XKR4: variants seen among roughly 807,000 people sequenced by gnomAD.
XKR4 encodes the protein XK-related protein 4.
A neutral mutation model predicts 53.9 loss-of-function variants in XKR4; 12 were observed. The ratio of observed to expected loss-of-function variants is 0.22; its 90% CI spans 0.14 to 0.36. The LOEUF (loss-of-function observed/expected upper bound fraction) is 0.36, where lower values mean the gene tolerates loss of function less well. XKR4 is among the 10% of genes least tolerant of loss of function. XKR4 has a pLI of 1.00. For missense variants in XKR4, 799 were observed against 859.5 expected (o/e 0.93, Z 0.88); for synonymous variants, 354 against 362.4 (o/e 0.98, Z 0.26).
At chr8:55,269,724 C>T (rs184352438) in intron 1 of XKR4, among the ~76,000 whole-genome samples, 8 of 152,240 alleles carry the variant, frequency 5.3e-5, no homozygotes, top group African/African-American at 1.2e-4. Flanking sequence ...GAATCAATTC[C>T]GCTGCCCAAA....
At position 55,258,767 on chromosome 8, in the gene XKR4, G is replaced by A. The variant is rs912032371; in HGVS notation, c.807-98911G>A. Among the ~76,000 whole-genome samples the A allele has an allele frequency of 5.9e-5, 9 of 152,042 alleles. No individual in the cohort carries two copies. In the South Asian group the frequency reaches 1.2e-3, roughly 21 times the overall value. ...AAGGATTAAATCTGCACTCCCGTGG[G>A]GCATAGGCCTCTAGCATTGCTGTCA... On this transcript the variant is annotated intron_variant, in intron 1 of 2. Coordinates refer to ENST00000327381, the MANE Select transcript of XKR4 (RefSeq NM_052898.2).
intron 1 of XKR4, among the ~76,000 whole-genome samples, chr8:55,280,271 AGTTT>A (rs1237938685): frequency 6.6e-6 from 1 of 152,104 alleles, no homozygotes; most frequent in Non-Finnish European, 1.5e-5. Flanking sequence ...CTCAAAAGGG[AGTTT>A]GTTTGTTAGG....
In XKR4 at chr8:55,348,636, A is replaced by G. The variant is rs899417418; in HGVS notation, c.807-9042A>G. ...TCCAGGAAGGACCTGGATAGACTGG[A>G]TGAATAGAGATAATGGATAGGTAGA... On this transcript the variant is annotated intron_variant, in intron 1 of 2. Coordinates refer to ENST00000327381, the MANE Select transcript of XKR4 (RefSeq NM_052898.2). Among the ~76,000 whole-genome samples the G allele has an allele frequency of 2.5e-4, 35 of 142,102 alleles. 1 individual carries two copies. Among genetic ancestry groups the G allele is most frequent in the Non-Finnish European group, 4.3e-4 (28 of 64,876 alleles). 93.2% of individuals were successfully genotyped at this position (142,102 alleles called of 152,430 possible).
intron 1 of XKR4, among the ~76,000 whole-genome samples, chr8:55,172,872 G>C (rs16921306): frequency 6.6e-6 from 1 of 152,124 alleles, no homozygotes; most frequent in Non-Finnish European, 1.5e-5. Context: ...AGAGCTAGAC[G>C]TATGACCCCT....
intron 2 of XKR4, among the ~76,000 whole-genome samples, chr8:55,358,654 T>C (rs1404031118): frequency 6.6e-6 from 1 of 152,216 alleles, no homozygotes; most frequent in Non-Finnish European, 1.5e-5. Context: ...ACATGGATGA[T>C]GGATAAGAGG....
At chr8:55,426,461 G>T (rs115064050) in intron 2 of XKR4, among the ~76,000 whole-genome samples, 32 of 152,092 alleles carry the variant, frequency 2.1e-4, no homozygotes, top group African/African-American at 7.5e-4. Context: ...TTCCTTTAAG[G>T]TTCTGTCCAT....
Position 55,102,304 on chromosome 8 carries a change from C to T in XKR4, c.-185C>T. Reference sequence around the variant, plus strand: ...GGCCCCAGGCGCGCCGCTAGCCCGGCCCAGCGCCCAGCCCGGCGGGCGGCG... The same window carrying T: ...GGCCCCAGGCGCGCCGCTAGCCCGGTCCAGCGCCCAGCCCGGCGGGCGGCG... On this transcript the variant is annotated 5_prime_UTR_variant, in exon 1 of 3. Coordinates refer to ENST00000327381, the MANE Select transcript of XKR4 (RefSeq NM_052898.2). This position sits in a 1 kb window ranked among gnomAD's most constrained non-coding sequence, Gnocchi z 5.1. 1 of 817,970 alleles carries T rather than the reference C, an allele frequency of 1.2e-6. No homozygotes were observed. The highest frequency in any genetic ancestry group is 1.5e-6 in the Non-Finnish European group (1 of 671,632). The allele number at this position is 817,970 out of a possible 1,614,324, so 50.7% of individuals were successfully genotyped here.
chr8:55,459,649 A>G lies in XKR4; in HGVS notation c.1007-63632A>G, dbSNP rs139905493. 3.2e-3 allele frequency among the ~76,000 whole-genome samples: 493 copies of G among 152,294 alleles called. 1 individual carries two copies. Among genetic ancestry groups the G allele is most frequent in the African/African-American group, 0.011 (476 of 41,578 alleles). On this transcript the variant is annotated intron_variant, in intron 2 of 2. Transcript: ENST00000327381. ...CATTTCACTAAAAAAAACCAAAAACACATACACAGAAATTGCTCACAAGCT... is the reference window on the plus strand; with the variant it reads ...CATTTCACTAAAAAAAACCAAAAACGCATACACAGAAATTGCTCACAAGCT...
intron 1 of XKR4, among the ~76,000 whole-genome samples, chr8:55,278,268 C>T (rs534623493): frequency 1.3e-4 from 19 of 147,914 alleles, no homozygotes; most frequent in Admixed American, 4.8e-4. Context: ...ACCCTGGAGA[C>T]GGAGGTTGCA....
intron 1 of XKR4, among the ~76,000 whole-genome samples, chr8:55,296,652 A>G (rs1299313074): frequency 6.6e-6 from 1 of 152,144 alleles, no homozygotes; most frequent in East Asian, 1.9e-4. Flanking sequence ...CATAAGTAAA[A>G]AGGTCATAGT....
At chr8:55,289,660 A>AGGAAGG (rs1563316484) in intron 1 of XKR4, among the ~76,000 whole-genome samples, 3 of 107,338 alleles carry the variant, frequency 2.8e-5, no homozygotes, top group African/African-American at 9.7e-5. Flanking sequence ...GAAGGAAGGA[A>AGGAAGG]AAGAAAAGAA....
intron 2 of XKR4, among the ~76,000 whole-genome samples, chr8:55,488,137 T>A (rs942402469): frequency 6.6e-6 from 1 of 152,196 alleles, no homozygotes. Flanking sequence ...GATTGTAACA[T>A]GTAAAAAGTC....
intron 2 of XKR4, among the ~76,000 whole-genome samples, chr8:55,465,510 T>G (rs1297785062): frequency 1.3e-5 from 2 of 151,958 alleles, no homozygotes; most frequent in Non-Finnish European, 2.9e-5. Flanking sequence ...GACTTAAATG[T>G]TAGACCTAAA....
At chr8:55,363,587 C>T (rs1413823421) in intron 2 of XKR4, among the ~76,000 whole-genome samples, 1 of 152,196 alleles carries the variant, frequency 6.6e-6, no homozygotes, top group Non-Finnish European at 1.5e-5. Context: ...TTGCAACTTG[C>T]CCCACCTCAT....
chr8:55,451,997 G>A lies in XKR4; in HGVS notation c.1007-71284G>A, dbSNP rs1023596589. The A allele has an allele frequency of 5.7e-5, 44 of 774,170 alleles. No homozygotes were observed. The African/African-American group carries it at 6.6e-4, about 12-fold the overall frequency. The allele number at this position is 774,170 out of a possible 1,614,324, so 48.0% of individuals were successfully genotyped here. On this transcript the variant is annotated intron_variant, in intron 2 of 2. Coordinates refer to ENST00000327381, the MANE Select transcript of XKR4 (RefSeq NM_052898.2). Reference sequence around the variant, plus strand: ...TCTTGCGAGTGACATGCTGCCGCCCGATGGTCTTCTTGACGTTCTTAACCA... The same window carrying A: ...TCTTGCGAGTGACATGCTGCCGCCCAATGGTCTTCTTGACGTTCTTAACCA...
At chr8:55,215,239 C>A (rs997225654) in intron 1 of XKR4, among the ~76,000 whole-genome samples, 2 of 152,196 alleles carry the variant, frequency 1.3e-5, no homozygotes, top group East Asian at 3.8e-4. Flanking sequence ...TCATAACTTG[C>A]CCAAACATGT....
At chr8:55,393,597 G>T (rs1206150530) in intron 2 of XKR4, among the ~76,000 whole-genome samples, 2 of 152,128 alleles carry the variant, frequency 1.3e-5, no homozygotes, top group Non-Finnish European at 2.9e-5. Flanking sequence ...TTAAGAAAAT[G>T]TTTTGTTATA....
At chr8:55,212,070 G>T (rs1585942383) in intron 1 of XKR4, among the ~76,000 whole-genome samples, 1 of 151,578 alleles carries the variant, frequency 6.6e-6, no homozygotes, top group East Asian at 1.9e-4. Context: ...TTGGCAATTG[G>T]TGTTTATCTA....
intron 2 of XKR4, among the ~76,000 whole-genome samples, chr8:55,412,528 G>A (rs369342574): frequency 2.6e-5 from 4 of 152,224 alleles, no homozygotes; most frequent in East Asian, 3.9e-4. Flanking sequence ...CCGGCGCTGC[G>A]GTTTGCTTGA....
Sources: allele counts gnomAD v4.1 joint callset (sites outside exome capture counted in the v4.1 genomes callset), GRCh38; gene constraint gnomAD v4.1.1; non-coding constraint Gnocchi (gnomAD v3.1); transcripts MANE v1.5; gene names NCBI Gene and HGNC (gene_info 2026-07-23, HGNC 2026-07-21).